The following ACP7 variants were observed in gnomAD, a reference collection of about 807,000 sequenced individuals.
ACP7 encodes acid phosphatase 7, tartrate resistant (putative).
A neutral mutation model predicts 60.6 loss-of-function variants in ACP7; 58 were observed. The ratio of observed to expected loss-of-function variants is 0.96; its 90% CI spans 0.77 to 1.19. The LOEUF is 1.19. Ranked by LOEUF, ACP7 falls within the 50% of genes most tolerant of loss-of-function variation. The pLI, the probability that ACP7 is intolerant of heterozygous loss-of-function variation, is 0.00. For synonymous variants in ACP7, 237 were observed against 232.6 expected, an observed-to-expected ratio of 1.02 and a Z score of -0.17; for missense variants, 574 against 596.2, an observed-to-expected ratio of 0.96 and a Z score of 0.39.
intron 2 of ACP7, among the ~76,000 whole-genome samples, chr19:39,092,478 T>C (rs2073214626): frequency 6.6e-6 from 1 of 152,122 alleles, no homozygotes; most frequent in Non-Finnish European, 1.5e-5. Context: ...CCTTTTTGTC[T>C]TTTGTCTTGT....
intron 2 of ACP7, among the ~76,000 whole-genome samples, chr19:39,097,155 G>A (rs2073275595): frequency 6.6e-6 from 1 of 152,124 alleles, no homozygotes; most frequent in Admixed American, 6.6e-5. Flanking sequence ...AGAAGCAAAA[G>A]TGGAAACCCC....
In ACP7 at chr19:39,100,244, C is replaced by T; in HGVS notation, c.523C>T (p.Leu175=). 6.2e-7 allele frequency: 1 copy of T among 1,614,104 alleles called. No individual in the cohort carries two copies. The highest frequency in any genetic ancestry group is 8.5e-7 in the Non-Finnish European group (1 of 1,179,994). ...VLHVGDFAYN[L]DQDNARVGDR... is the part of the protein sequence containing the mutation. ...TCCCCCAGGAGACTTTGCCTACAAC[C>T]TGGATCAGGACAACGCCCGTGTTGG... Residue 175 remains leucine, a synonymous_variant, in exon 5 of 13, where the codon CTG becomes TTG. Coordinates refer to ENST00000331256, the MANE Select transcript of ACP7 (RefSeq NM_001004318.3).
At chr19:39,091,549 C>T (rs936018232) in intron 2 of ACP7, among the ~76,000 whole-genome samples, 1 of 152,138 alleles carries the variant, frequency 6.6e-6, no homozygotes, top group Non-Finnish European at 1.5e-5. Context: ...GCTTCTAGTT[C>T]CTCTCAACAA....
In ACP7 at chr19:39,100,823, G is replaced by A; in HGVS notation, c.777G>A (p.Arg259=). Residue 259 remains arginine (R), a synonymous_variant, in exon 7 of 13, where the codon AGG becomes AGA. Coordinates refer to ENST00000331256, the MANE Select transcript of ACP7 (RefSeq NM_001004318.3). ...FLHYGRHLVQ[R]QFRWLESDLQ... is the part of the protein sequence containing the mutation. ...ATTATGGCCGCCACTTGGTACAGAGGCAGTTTCGCTGGCTGGAGAGCGACC... is the reference window on the plus strand; with the variant it reads ...ATTATGGCCGCCACTTGGTACAGAGACAGTTTCGCTGGCTGGAGAGCGACC... 6.2e-7 allele frequency: 1 copy of A among 1,613,898 alleles called. No homozygotes were observed. Among genetic ancestry groups the A allele is most frequent in the Non-Finnish European group, 8.5e-7 (1 of 1,180,004 alleles).
chr19:39,101,534 T>C lies in ACP7; in HGVS notation c.1110T>C (p.Ser370=), dbSNP rs773090934. 1.9e-6 allele frequency: 3 copies of C among 1,613,768 alleles called. No individual in the cohort carries two copies. In the African/African-American group the frequency reaches 4.0e-5, roughly 22 times the overall value. The part of the protein sequence containing the change: ...PRGPVHIITG[S]AGCEERLTPF... ...GGCCTGTCCACATCATCACAGGATC[T>C]GCTGTGAGCAGGGGGAAGGGTGGCT... The change falls in exon 11 of 13, where the codon TCT becomes TCC. Residue 370 remains serine (S), a synonymous_variant. Transcript: ENST00000331256.
At position 39,110,193 on chromosome 19, in the gene ACP7, G is replaced by A; in HGVS notation, c.*75G>A. On this transcript the variant is annotated 3_prime_UTR_variant, in exon 13 of 13. Transcript: ENST00000331256. ...CTGTGACCAGAAACTGCCCAGGCCT[G>A]GGTGGGGAGTTGGGTGGGCCCTGAC... 6.9e-7 allele frequency: 1 copy of A among 1,451,170 alleles called. No homozygotes were observed. The highest frequency in any genetic ancestry group is 1.4e-5 in the African/African-American group (1 of 71,376). 89.9% of individuals were successfully genotyped at this position (1,451,170 alleles called of 1,614,324 possible). A position where few individuals can be genotyped will look rare whatever the true frequency, so the allele number is the denominator to read the frequency against.
At chr19:39,094,344 A>T (rs2073242458) in intron 2 of ACP7, among the ~76,000 whole-genome samples, 1 of 151,960 alleles carries the variant, frequency 6.6e-6, no homozygotes, top group Non-Finnish European at 1.5e-5. Flanking sequence ...CTCTACTAAA[A>T]ATACAAAAAT....
intron 11 of ACP7, among the ~76,000 whole-genome samples, chr19:39,102,767 C>CTTTCTTTCTTTCTT (rs754172891): frequency 0.046 from 4,595 of 100,620 alleles, 95 homozygotes; most frequent in East Asian, 0.05. Context: ...TTCTTTCTTT[C>CTTTCTTTCTTTCTT]TCTCTCTCTC....
chr19:39,091,766 C>T (rs1380209358), intron 2 of ACP7, among the ~76,000 whole-genome samples: 1 of 151,618 alleles, frequency 6.6e-6, no homozygotes, highest in Admixed American at 6.6e-5. Context: ...AAAAAATTAG[C>T]CAGGCGTGGT....
rs1248662595 is a variant in ACP7, at chr19:39,100,250, C to T, written c.529C>T (p.Gln177Ter). 6.2e-7 allele frequency: 1 copy of T among 1,614,080 alleles called. No individual in the cohort carries two copies. Reference sequence around the variant, plus strand: ...AGGAGACTTTGCCTACAACCTGGATCAGGACAACGCCCGTGTTGGGGATAG... The same window carrying T: ...AGGAGACTTTGCCTACAACCTGGATTAGGACAACGCCCGTGTTGGGGATAG... The part of the protein sequence containing the change: ...HVGDFAYNLD[Q>*]DNARVGDRFM... The change falls in exon 5 of 13, where the codon CAG becomes TAG. Residue 177 changes from glutamine (Q) to a stop codon, truncating the protein, a stop_gained. Coordinates refer to ENST00000331256, the MANE Select transcript of ACP7 (RefSeq NM_001004318.3). LOFTEE classifies it high-confidence loss of function.
rs1208574348 is a variant in ACP7, at chr19:39,085,328, G to T, written c.59G>T (p.Gly20Val). 1.2e-6 allele frequency: 2 copies of T among 1,613,600 alleles called. No homozygotes were observed. Among genetic ancestry groups the T allele is most frequent in the African/African-American group, 2.7e-5 (2 of 74,868 alleles). Residue 20 changes from glycine (G) to valine (V), a missense_variant, in exon 2 of 13, where the codon GGA becomes GTA. Coordinates refer to ENST00000331256, the MANE Select transcript of ACP7 (RefSeq NM_001004318.3). Reference sequence around the variant, plus strand: ...TGTCTACTCCTGCTATTCTCCTTGGGAGTCCAGGGGTCCCTGGGGGCTCCC... The same window carrying T: ...TGTCTACTCCTGCTATTCTCCTTGGTAGTCCAGGGGTCCCTGGGGGCTCCC... ...CYCLLLLFSL[G>V]VQGSLGAPSA... is the part of the protein sequence containing the mutation.
intron 2 of ACP7, among the ~76,000 whole-genome samples, chr19:39,097,028 C>T (rs575747684): frequency 6.6e-6 from 1 of 152,280 alleles, no homozygotes; most frequent in South Asian, 2.1e-4. Flanking sequence ...TCTCGATCTC[C>T]TGACCTCGTG....
chr19:39,093,826 A>G (rs920423399), intron 2 of ACP7, among the ~76,000 whole-genome samples: 1 of 152,184 alleles, frequency 6.6e-6, no homozygotes, highest in African/African-American at 2.4e-5. Flanking sequence ...CCTTACATTA[A>G]GGGCAGCTAA....
At chr19:39,101,414 C>T (rs2073343698) in intron 10 of ACP7, 52 bp from the exon 11 acceptor site, 2 of 1,613,310 alleles carry the variant, frequency 1.2e-6, no homozygotes, top group Non-Finnish European at 8.5e-7. Context: ...TCAGAAGGCC[C>T]AGGCATGGCC....
At chr19:39,102,715 T>TTTC (rs1555769414) in intron 11 of ACP7, among the ~76,000 whole-genome samples, 9,993 of 118,522 alleles carry the variant, frequency 0.084, 623 homozygotes, top group Non-Finnish European at 0.11. Flanking sequence ...CAATGAAGAC[T>TTTC]TTTCTTTCTT....
intron 2 of ACP7, among the ~76,000 whole-genome samples, chr19:39,092,645 T>C (rs2073216271): frequency 6.6e-6 from 1 of 152,132 alleles, no homozygotes; most frequent in Non-Finnish European, 1.5e-5. Context: ...GTTTTAATTA[T>C]TTATTTTGTG....
At position 39,106,592 on chromosome 19, in the gene ACP7, C is replaced by T. The variant is rs745968878; in HGVS notation, c.1114-355C>T. On this transcript the variant is annotated intron_variant, in intron 11 of 12. Transcript: ENST00000331256. ...AGGCTGGAATGCAGTGGCACAATCT[C>T]GGCTCACTGCAACCTCCACCTCCTG... Among the ~76,000 whole-genome samples, 7 of 152,182 alleles carry T rather than the reference C, an allele frequency of 4.6e-5. 1 individual carries two copies. In the South Asian group the frequency reaches 6.2e-4, roughly 14 times the overall value.
intron 2 of ACP7, among the ~76,000 whole-genome samples, chr19:39,098,253 C>CAAAAAAAAAAAAAAAAAAAAAA (rs59373149): frequency 4.6e-5 from 3 of 64,954 alleles, no homozygotes; most frequent in Admixed American, 2.2e-4. Flanking sequence ...GACCCTGACT[C>CAAAAAAAAAAAAAAAAAAAAAA]AAAAAAAAAA....
At chr19:39,102,718 T>A (rs564189914) in intron 11 of ACP7, among the ~76,000 whole-genome samples, 3,493 of 65,226 alleles carry the variant, frequency 0.054, 74 homozygotes, top group South Asian at 0.11. Context: ...TGAAGACTTT[T>A]CTTTCTTTCT....
Sources: allele counts gnomAD v4.1 joint callset (sites outside exome capture counted in the v4.1 genomes callset), GRCh38; gene constraint gnomAD v4.1.1; transcripts MANE v1.5; gene names NCBI Gene and HGNC (gene_info 2026-07-23, HGNC 2026-07-21).